KANK1: variants seen among roughly 807,000 people sequenced by gnomAD.
The protein encoded by KANK1 is KN motif and ankyrin repeat domain-containing protein 1.
A neutral mutation model predicts 106.2 loss-of-function variants in KANK1; 109 were observed. The observed-to-expected ratio is 1.03, with a 90% CI of 0.88 to 1.20. The LOEUF is 1.20. KANK1 is among the 50% of genes most tolerant of loss of function. The probability of loss-of-function intolerance (pLI) is 0.00; values close to 1 mark genes in which losing one functional copy is unlikely to be tolerated. For missense variants in KANK1, 2,399 were observed against 1,710.7 expected, an observed-to-expected ratio of 1.40 and a Z score of -7.10; for synonymous variants, 873 against 652.2, an observed-to-expected ratio of 1.34 and a Z score of -5.16.
At chr9:578,678 A>G (rs1206480003) in intron 1 of KANK1, among the ~76,000 whole-genome samples, 1 of 152,194 alleles carries the variant, frequency 6.6e-6, no homozygotes, top group South Asian at 2.1e-4. Flanking sequence ...AAGCATGACA[A>G]TTGAAAATAA....
intron 3 of KANK1, among the ~76,000 whole-genome samples, chr9:495,978 C>A (rs146539575): frequency 4.1e-4 from 62 of 152,218 alleles, no homozygotes; most frequent in African/African-American, 1.4e-3. Context: ...AACACACACA[C>A]ACACACACAC....
intron 2 of KANK1, among the ~76,000 whole-genome samples, chr9:471,207 T>C (rs1023855166): frequency 1.3e-5 from 2 of 152,212 alleles, no homozygotes; most frequent in Non-Finnish European, 2.9e-5. Context: ...CCCTTGCTTT[T>C]TCAGAGCTGG....
intron 2 of KANK1, among the ~76,000 whole-genome samples, chr9:678,085 C>T (rs576910445): frequency 6.6e-6 from 1 of 152,138 alleles, no homozygotes; most frequent in Non-Finnish European, 1.5e-5. Flanking sequence ...GTCTCAGCTG[C>T]AATTATCTCC....
intron 1 of KANK1, among the ~76,000 whole-genome samples, chr9:538,019 CTT>C (rs768084999): frequency 6.6e-6 from 1 of 151,996 alleles, no homozygotes; most frequent in African/African-American, 2.4e-5. Context: ...TCCCCTCTCT[CTT>C]GTTAAGCTAT....
At chr9:609,256 T>C (rs1172465500) in intron 1 of KANK1, among the ~76,000 whole-genome samples, 1 of 152,246 alleles carries the variant, frequency 6.6e-6, no homozygotes, top group African/African-American at 2.4e-5. Flanking sequence ...AAGTTTATTG[T>C]TTGTAAATTA....
chr9:487,058 A>T (rs898106531), intron 3 of KANK1, among the ~76,000 whole-genome samples: 1 of 152,212 alleles, frequency 6.6e-6, no homozygotes, highest in Non-Finnish European at 1.5e-5. Flanking sequence ...AGTTATTTTT[A>T]TGTAGAAGAA....
At chr9:614,558 T>TTCC (rs1357277419) in intron 1 of KANK1, among the ~76,000 whole-genome samples, 18 of 152,184 alleles carry the variant, frequency 1.2e-4, no homozygotes, top group African/African-American at 4.3e-4. Flanking sequence ...AGTAGGACAG[T>TTCC]TCCTCATTGT....
At chr9:643,245 G>A (rs1838875384) in intron 1 of KANK1, among the ~76,000 whole-genome samples, 1 of 150,780 alleles carries the variant, frequency 6.6e-6, no homozygotes, top group Non-Finnish European at 1.5e-5. Flanking sequence ...TTTCTAATGA[G>A]AAGATCCATA....
At chr9:580,806 C>T (rs555811300) in intron 1 of KANK1, among the ~76,000 whole-genome samples, 22 of 152,310 alleles carry the variant, frequency 1.4e-4, no homozygotes, top group South Asian at 6.2e-4. Context: ...TGGGATTGGG[C>T]GCCGCGGAGC....
intron 1 of KANK1, among the ~76,000 whole-genome samples, chr9:580,500 C>T (rs927867719): frequency 2.6e-5 from 4 of 152,224 alleles, no homozygotes; most frequent in African/African-American, 9.6e-5. Flanking sequence ...TCCATTTTGA[C>T]AGGGTGCTGA....
chr9:528,706 T>G (rs929815848), intron 1 of KANK1, among the ~76,000 whole-genome samples: 44 of 152,118 alleles, frequency 2.9e-4, no homozygotes, highest in African/African-American at 1.1e-3. Context: ...CAGGCTGGTC[T>G]CAAACTCCTG....
At chr9:567,050 T>A (rs1424250845) in intron 1 of KANK1, among the ~76,000 whole-genome samples, 1 of 152,222 alleles carries the variant, frequency 6.6e-6, no homozygotes, top group Non-Finnish European at 1.5e-5. Flanking sequence ...CAGTTTCAAT[T>A]TTCTGCACAT....
intron 1 of KANK1, among the ~76,000 whole-genome samples, chr9:625,525 T>G (rs1834135033): frequency 6.6e-6 from 1 of 152,160 alleles, no homozygotes; most frequent in African/African-American, 2.4e-5. Flanking sequence ...GGCCTTCTCA[T>G]AGTTATCCGT....
chr9:711,404 A>G lies in KANK1; in HGVS notation c.638A>G (p.Gln213Arg), dbSNP rs141710381. Residue 213 changes from glutamine (Q) to arginine (R), a missense_variant, in exon 3 of 12, where the codon CAG becomes CGG. Coordinates refer to ENST00000382297, the MANE Select transcript of KANK1 (RefSeq NM_015158.5). Reference protein sequence around the residue: ...GNHNPAKHQLQNGYQGNGDYG... With the variant: ...GNHNPAKHQLRNGYQGNGDYG... Reference sequence around the variant, plus strand: ...CACAATCCTGCCAAGCACCAGCTTCAGAATGGATACCAAGGTAATGGGGAT... The same window carrying G: ...CACAATCCTGCCAAGCACCAGCTTCGGAATGGATACCAAGGTAATGGGGAT... 60 of 1,614,210 alleles carry G rather than the reference A, an allele frequency of 3.7e-5. No individual in the cohort carries two copies. In the African/African-American group the frequency reaches 7.2e-4, roughly 19 times the overall value.
intron 9 of KANK1, among the ~76,000 whole-genome samples, 192 bp from the exon 10 acceptor site, chr9:742,000 TCCTTACTTTATGC>T (rs1345365422): frequency 6.6e-6 from 1 of 152,164 alleles, no homozygotes; most frequent in Non-Finnish European, 1.5e-5. Flanking sequence ...TGAAGTTGGC[TCCTTACTTTATGC>T]CCTTCCTTTG....
chr9:735,282 T>C (rs899102951), intron 7 of KANK1, among the ~76,000 whole-genome samples: 1 of 152,196 alleles, frequency 6.6e-6, no homozygotes, highest in Non-Finnish European at 1.5e-5. Flanking sequence ...CTGTATGTTA[T>C]GCTCTGATGT....
intron 1 of KANK1, among the ~76,000 whole-genome samples, chr9:593,013 C>T (rs902284471): frequency 1.3e-5 from 2 of 151,810 alleles, no homozygotes; most frequent in African/African-American, 4.9e-5. Context: ...AAGAAGACAT[C>T]ATGTGACTGA....
At chr9:693,870 G>T (rs1471152980) in intron 2 of KANK1, 2 of 937,948 alleles carry the variant, frequency 2.1e-6, no homozygotes, top group African/African-American at 3.6e-5. Context: ...CTCGAGCTCT[G>T]TGTGTTGTGA....
intron 1 of KANK1, among the ~76,000 whole-genome samples, chr9:674,823 C>T (rs1193827020): frequency 1.3e-5 from 2 of 152,030 alleles, no homozygotes; most frequent in Non-Finnish European, 2.9e-5. Flanking sequence ...GGTGCCTCAG[C>T]CTCCCGAGTA....
Sources: gnomAD v4.1 joint callset for allele counts (sites outside exome capture counted in the v4.1 genomes callset) on GRCh38, gnomAD v4.1.1 for gene constraint, MANE v1.5 for transcripts, NCBI Gene and HGNC (gene_info 2026-07-23, HGNC 2026-07-21) for gene names.